LINGO1: variants seen among roughly 807,000 people sequenced by gnomAD.
The protein encoded by LINGO1 is leucine-rich repeat and immunoglobulin-like domain-containing nogo receptor-interacting protein 1.
Under a neutral mutation model 37.3 loss-of-function variants are expected in LINGO1, and 11 were observed. That is an observed-to-expected ratio of 0.29 (90% CI 0.19 to 0.49). The LOEUF is 0.49. LINGO1 is among the 20% of genes least tolerant of loss of function. The pLI is 0.99. For missense variants in LINGO1, 585 were observed against 878.2 expected (o/e 0.67, Z 4.22); for synonymous variants, 387 against 403.0 (o/e 0.96, Z 0.48).
At chr15:77,760,283 C>G (rs2076462129) in intron 1 of LINGO1, among the ~76,000 whole-genome samples, 2 of 152,302 alleles carry the variant, frequency 1.3e-5, no homozygotes, top group East Asian at 1.9e-4. Context: ...CAGGGGGCCT[C>G]TGGAGTGAGC....
intron 1 of LINGO1, among the ~76,000 whole-genome samples, chr15:77,773,949 C>A (rs1410986991): frequency 6.6e-6 from 1 of 152,126 alleles, no homozygotes; most frequent in African/African-American, 2.4e-5. Flanking sequence ...CTCAGTCCCA[C>A]ACCACCAGGG....
At chr15:77,620,625 A>C (rs933267451) in intron 1 of LINGO1, among the ~76,000 whole-genome samples, 2 of 152,218 alleles carry the variant, frequency 1.3e-5, no homozygotes, top group Admixed American at 6.5e-5. Context: ...GGGTGCTGCC[A>C]CCAGAAACTA....
At chr15:77,619,909 C>A (rs557075007) in intron 1 of LINGO1, among the ~76,000 whole-genome samples, 68 of 152,216 alleles carry the variant, frequency 4.5e-4, no homozygotes, top group African/African-American at 1.6e-3. Flanking sequence ...CTCTTACATG[C>A]GGCTGCCCTA....
At chr15:77,750,354 C>T (rs573487439) in intron 1 of LINGO1, among the ~76,000 whole-genome samples, 1 of 152,362 alleles carries the variant, frequency 6.6e-6, no homozygotes, top group Non-Finnish European at 1.5e-5. Context: ...ATATAAATAA[C>T]TATTAAAAGT....
At chr15:77,811,221 G>A (rs2077003253) in intron 1 of LINGO1, among the ~76,000 whole-genome samples, 1 of 152,204 alleles carries the variant, frequency 6.6e-6, no homozygotes, top group Non-Finnish European at 1.5e-5. Context: ...GCCCTGCATG[G>A]CCCAAGCCTG....
chr15:77,653,096 T>C (rs971706060), intron 3 of LINGO1, among the ~76,000 whole-genome samples: 2 of 152,174 alleles, frequency 1.3e-5, no homozygotes, highest in East Asian at 3.8e-4. Context: ...AACCCCTTAA[T>C]TGGGGGAGAC....
chr15:77,793,289 T>C (rs2076832330), intron 2 of LINGO1, among the ~76,000 whole-genome samples: 1 of 152,124 alleles, frequency 6.6e-6, no homozygotes, highest in Non-Finnish European at 1.5e-5. Flanking sequence ...TTGCCTACCC[T>C]TTCCTCCCGA....
At chr15:77,755,815 C>T (rs560223942) in intron 1 of LINGO1, among the ~76,000 whole-genome samples, 1 of 152,212 alleles carries the variant, frequency 6.6e-6, no homozygotes, top group African/African-American at 2.4e-5. Flanking sequence ...CCCCACACTC[C>T]CACCTCCTTC....
chr15:77,708,023 G>C (rs1474059839), intron 2 of LINGO1, among the ~76,000 whole-genome samples: 2 of 152,232 alleles, frequency 1.3e-5, no homozygotes, highest in African/African-American at 4.8e-5. Flanking sequence ...CCAGGCACCA[G>C]CTTGCCCAGA....
chr15:77,673,482 T>A (rs973275619), intron 3 of LINGO1, among the ~76,000 whole-genome samples: 2 of 152,242 alleles, frequency 1.3e-5, no homozygotes, highest in Admixed American at 6.5e-5. Context: ...TCAGTCTGCA[T>A]CCTTAGCCCC....
At chr15:77,737,866 A>G (rs979479498) in intron 1 of LINGO1, among the ~76,000 whole-genome samples, 3 of 151,512 alleles carry the variant, frequency 2.0e-5, no homozygotes, top group Admixed American at 2.0e-4. Flanking sequence ...TCACCAGGAC[A>G]TCCTCTCCAT....
intron 3 of LINGO1, among the ~76,000 whole-genome samples, chr15:77,647,315 G>A (rs551152678): frequency 7.2e-5 from 11 of 152,012 alleles, no homozygotes; most frequent in South Asian, 4.2e-4. Context: ...CCAGAGCACA[G>A]TCCAGGGGAG....
At chr15:77,681,227 G>C (rs2075407887) in intron 2 of LINGO1, among the ~76,000 whole-genome samples, 1 of 126,942 alleles carries the variant, frequency 7.9e-6, no homozygotes, top group South Asian at 2.5e-4. Flanking sequence ...TATTTCTGTG[G>C]GTTTTTTTTT....
intron 2 of LINGO1, among the ~76,000 whole-genome samples, chr15:77,685,287 C>T (rs2075487951): frequency 6.6e-6 from 1 of 152,116 alleles, no homozygotes; most frequent in Non-Finnish European, 1.5e-5. Context: ...GCTTGTCAGG[C>T]CAGCTCCGCC....
intron 1 of LINGO1, among the ~76,000 whole-genome samples, chr15:77,754,214 A>G (rs1411034700): frequency 6.9e-6 from 1 of 145,560 alleles, no homozygotes; most frequent in South Asian, 2.3e-4. Context: ...AGAGGGAAGA[A>G]GGGAAGGAAA....
chr15:77,804,303 C>T (rs867671113), intron 1 of LINGO1, among the ~76,000 whole-genome samples: 4 of 152,194 alleles, frequency 2.6e-5, no homozygotes, highest in Non-Finnish European at 4.4e-5. Context: ...AATGCAGACT[C>T]GCACGATATG....
At chr15:77,643,632 T>C (rs1334895165) in intron 3 of LINGO1, among the ~76,000 whole-genome samples, 1 of 152,114 alleles carries the variant, frequency 6.6e-6, no homozygotes, top group Non-Finnish European at 1.5e-5. Flanking sequence ...TCTGAGAAAC[T>C]CCCTCATCAC....
intron 3 of LINGO1, among the ~76,000 whole-genome samples, chr15:77,656,502 C>T (rs1358000440): frequency 1.3e-5 from 2 of 152,218 alleles, no homozygotes; most frequent in Non-Finnish European, 2.9e-5. Flanking sequence ...CCCCCGCAGC[C>T]GCCCTGCGCC....
chr15:77,792,536 C>T (rs575890962), intron 2 of LINGO1, among the ~76,000 whole-genome samples: 32 of 152,386 alleles, frequency 2.1e-4, no homozygotes, highest in African/African-American at 7.2e-4. Context: ...TACTCCCTCT[C>T]CTCAGGCCTC....
Sources: allele counts gnomAD v4.1 joint callset (sites outside exome capture counted in the v4.1 genomes callset), GRCh38; gene constraint gnomAD v4.1.1; transcripts MANE v1.5; gene names NCBI Gene and HGNC (gene_info 2026-07-23, HGNC 2026-07-21).